Variants in PLVAP observed in about 807,000 individuals in gnomAD.
PLVAP encodes plasmalemma vesicle-associated protein.
In PLVAP, 34 loss-of-function variants were observed where a neutral mutation model predicts 43.1. The observed-to-expected ratio is 0.79, with a 90% CI of 0.60 to 1.05. The LOEUF is 1.05. PLVAP is among the 50% of genes least tolerant of loss of function. The pLI is 0.00. For missense variants in PLVAP, 574 were observed against 593.4 expected, an observed-to-expected ratio of 0.97 and a Z score of 0.34; for synonymous variants, 241 against 237.3, an observed-to-expected ratio of 1.02 and a Z score of -0.14.
intron 1 of PLVAP, among the ~76,000 whole-genome samples, chr19:17,372,733 G>C (rs2074577960): frequency 6.6e-6 from 1 of 150,864 alleles, no homozygotes; most frequent in African/African-American, 2.4e-5. Flanking sequence ...TGGGATTATA[G>C]GTGTGAGCCA....
intron 5 of PLVAP, among the ~76,000 whole-genome samples, chr19:17,357,938 AC>A (rs1289725248): frequency 6.6e-6 from 1 of 152,172 alleles, no homozygotes; most frequent in East Asian, 1.9e-4. Flanking sequence ...CGAGGCCCTG[AC>A]AGTCCTGGGC....
chr19:17,360,902 T>A (rs756410914), intron 3 of PLVAP, 70 bp from the exon 4 acceptor site: 98 of 1,365,454 alleles, frequency 7.2e-5, no homozygotes, highest in Non-Finnish European at 8.5e-5. Context: ...CCTTTTCTTT[T>A]CTTTTCTTTT....
At chr19:17,371,302 C>A (rs888638062) in intron 1 of PLVAP, among the ~76,000 whole-genome samples, 2 of 150,540 alleles carry the variant, frequency 1.3e-5, no homozygotes, top group Non-Finnish European at 3.0e-5. Flanking sequence ...GCTGGGAATA[C>A]AGGGGTGCAC....
At chr19:17,373,694 G>A (rs111920165) in intron 1 of PLVAP, among the ~76,000 whole-genome samples, 3,386 of 152,186 alleles carry the variant, frequency 0.022, 45 homozygotes, top group Middle Eastern at 0.051. Flanking sequence ...CTGAGAACAC[G>A]GGGATAATTG....
At chr19:17,371,941 G>A (rs2074573691) in intron 1 of PLVAP, among the ~76,000 whole-genome samples, 1 of 151,946 alleles carries the variant, frequency 6.6e-6, no homozygotes, top group African/African-American at 2.4e-5. Context: ...TTTGCAGTTG[G>A]CCCTGGGTGA....
chr19:17,365,300 A>G lies in PLVAP; in HGVS notation c.1165T>C (p.Cys389Arg). 6.2e-7 allele frequency: 1 copy of G among 1,611,014 alleles called. No homozygotes were observed. Among genetic ancestry groups the G allele is most frequent in the Non-Finnish European group, 8.5e-7 (1 of 1,178,540 alleles). The change falls in exon 3 of 6, where the codon TGC becomes CGC. Residue 389 changes from cysteine to arginine, a missense_variant. Cys to Arg is a radical substitution (Grantham distance 180). Coordinates refer to ENST00000252590, the MANE Select transcript of PLVAP (RefSeq NM_031310.3). Reference sequence around the variant, plus strand: ...TGCAAGCCCACCTTGGTCTTGATGCAGGTGTCCAGGGCTGAGTTTCTGATG... The same window carrying G: ...TGCAAGCCCACCTTGGTCTTGATGCGGGTGTCCAGGGCTGAGTTTCTGATG... ...LAIRNSALDT[C>R]IKTKSQPMMP...
intron 1 of PLVAP, among the ~76,000 whole-genome samples, chr19:17,371,589 C>T (rs1028467356): frequency 6.6e-6 from 1 of 152,088 alleles, no homozygotes; most frequent in Non-Finnish European, 1.5e-5. Flanking sequence ...TCCCCAGGCT[C>T]GGGCAATCCT....
intron 1 of PLVAP, among the ~76,000 whole-genome samples, chr19:17,367,019 T>C (rs1228251556): frequency 6.7e-6 from 1 of 150,242 alleles, no homozygotes; most frequent in Non-Finnish European, 1.5e-5. Flanking sequence ...CTCAGCTCAC[T>C]GCAACCTTGA....
In PLVAP at chr19:17,360,563, C is replaced by G. The variant is rs35160268; in HGVS notation, c.1287G>C (p.Gln429His). 3 of 1,613,906 alleles carry G rather than the reference C, an allele frequency of 1.9e-6. No homozygotes were observed. In the East Asian group the frequency reaches 6.7e-5, roughly 36 times the overall value. Residue 429 changes from glutamine to histidine, a missense_variant, in exon 5 of 6, where the codon CAG becomes CAC. Physicochemically the swap from Gln to His is conservative, Grantham distance 24 (BLOSUM62 0). Transcript: ENST00000252590. ...CTACAGGGATGCCTGCAGGGGGCCT[C>G]TGGGACTCCAGGATCTTCCTCTTGA... ...EEFKRKILESQRPPAGIPVAP... is the reference protein window; with the variant it reads ...EEFKRKILESHRPPAGIPVAP...
At chr19:17,354,663 C>T (rs2074499230) in intron 5 of PLVAP, among the ~76,000 whole-genome samples, 1 of 149,784 alleles carries the variant, frequency 6.7e-6, no homozygotes, top group African/African-American at 2.5e-5. Context: ...CTTTGGGAGG[C>T]CGAGGCAGGC....
At chr19:17,374,826 G>GTATGTATTTATT (rs375938258) in intron 1 of PLVAP, among the ~76,000 whole-genome samples, 15 of 149,380 alleles carry the variant, frequency 1.0e-4, no homozygotes, top group African/African-American at 3.5e-4. Flanking sequence ...ATGTATGTAT[G>GTATGTATTTATT]TATTTATTTT....
Position 17,352,372 on chromosome 19 carries a change from G to A in PLVAP, c.1323-4C>T. 1.2e-6 allele frequency: 2 copies of A among 1,613,450 alleles called. No homozygotes were observed. The highest frequency in any genetic ancestry group is 1.7e-6 in the Non-Finnish European group (2 of 1,179,490). On this transcript the variant is annotated splice_region_variant and splice_polypyrimidine_tract_variant and intron_variant, in intron 5 of 5. Coordinates refer to ENST00000252590, the MANE Select transcript of PLVAP (RefSeq NM_031310.3). ...AGGCCTGGAGCCTCCTCAGCCACTA[G>A]GGCAGGAAGGGGATGGTAACACAAC...
At chr19:17,356,166 C>T (rs1157680277) in intron 5 of PLVAP, among the ~76,000 whole-genome samples, 2 of 152,026 alleles carry the variant, frequency 1.3e-5, no homozygotes, top group Non-Finnish European at 2.9e-5. Flanking sequence ...AAAAAATAAC[C>T]GGGCATGCTG....
Position 17,352,101 on chromosome 19 carries a change from T to C in PLVAP, c.*261A>G. 1.9e-6 allele frequency: 1 copy of C among 539,572 alleles called. No individual in the cohort carries two copies. The highest frequency in any genetic ancestry group is 3.4e-6 in the Non-Finnish European group (1 of 297,792). 33.4% of individuals were successfully genotyped at this position (539,572 alleles called of 1,614,324 possible). A position where few individuals can be genotyped will look rare whatever the true frequency, so the allele number is the denominator to read the frequency against. On this transcript the variant is annotated 3_prime_UTR_variant, in exon 6 of 6. Coordinates refer to ENST00000252590, the MANE Select transcript of PLVAP (RefSeq NM_031310.3). ...ACGTCTACATGGCCACGTGACGCCA[T>C]CACCACGGTGATATGTGACGTCAGC...
chr19:17,364,206 C>T (rs571165525), intron 3 of PLVAP, among the ~76,000 whole-genome samples: 58 of 152,250 alleles, frequency 3.8e-4, no homozygotes, highest in South Asian at 1.7e-3. Context: ...CTGTCTCAGC[C>T]TCCCAAGTAG....
At chr19:17,357,104 AC>A (rs941744013) in intron 5 of PLVAP, among the ~76,000 whole-genome samples, 33 of 151,728 alleles carry the variant, frequency 2.2e-4, no homozygotes, top group African/African-American at 8.0e-4. Flanking sequence ...ACATGGTGAA[AC>A]CCCAAAATTT....
intron 4 of PLVAP, 61 bp from the exon 5 acceptor site, chr19:17,360,670 G>C: frequency 1.3e-6 from 2 of 1,583,350 alleles, no homozygotes; most frequent in Admixed American, 3.4e-5. Context: ...CCCTGGGCTA[G>C]GGATGGGCTG....
chr19:17,375,329 T>C (rs192947985), intron 1 of PLVAP, among the ~76,000 whole-genome samples: 2 of 152,084 alleles, frequency 1.3e-5, no homozygotes, highest in Non-Finnish European at 2.9e-5. Context: ...GGGAGCTTCA[T>C]GCATAGTAAG....
intron 1 of PLVAP, among the ~76,000 whole-genome samples, chr19:17,375,528 C>T (rs558798674): frequency 6.6e-6 from 1 of 151,726 alleles, no homozygotes; most frequent in South Asian, 2.1e-4. Flanking sequence ...GAGGGTGAGC[C>T]TAGGAGTTCA....
Sources: gnomAD v4.1 joint callset for allele counts (sites outside exome capture counted in the v4.1 genomes callset) on GRCh38, gnomAD v4.1.1 for gene constraint, MANE v1.5 for transcripts, NCBI Gene and HGNC (gene_info 2026-07-23, HGNC 2026-07-21) for gene names.